Variants in MTCL1 observed in about 807,000 individuals in gnomAD.
MTCL1 encodes microtubule cross-linking factor 1.
A neutral mutation model predicts 141.4 loss-of-function variants in MTCL1; 79 were observed. The ratio of observed to expected loss-of-function variants is 0.56; its 90% confidence interval spans 0.47 to 0.67. The LOEUF is 0.67. Ranked by LOEUF, MTCL1 falls within the 30% of genes least tolerant of loss-of-function variation. MTCL1 has a pLI of 0.00. For synonymous variants in MTCL1, 914 were observed against 875.8 expected (o/e 1.04, Z -0.77); for missense variants, 2,177 against 2,113.9 (o/e 1.03, Z -0.59).
intron 13 of MTCL1, among the ~76,000 whole-genome samples, chr18:8,819,776 T>C (rs2076781593): frequency 6.6e-6 from 1 of 152,036 alleles, no homozygotes; most frequent in Non-Finnish European, 1.5e-5. Context: ...CTAATTTATT[T>C]TGTTTTATTT....
At chr18:8,784,260 G>T in exon 6 of MTCL1, 1 of 1,603,160 alleles carries the variant, frequency 6.2e-7, no homozygotes, top group South Asian at 1.1e-5. Context: ...CCCAGTCCCC[G>T]GGACAGCGAT....
intron 11 of MTCL1, among the ~76,000 whole-genome samples, chr18:8,811,532 C>T (rs633210): frequency 0.34 from 48,220 of 140,912 alleles, 8,034 homozygotes; most frequent in East Asian, 0.59. Flanking sequence ...TATATATATA[C>T]ATATATATAT....
At chr18:8,742,284 GCTCTCCCTCTCTCCCT>G (rs372103839) in intron 4 of MTCL1, among the ~76,000 whole-genome samples, 2 of 152,090 alleles carry the variant, frequency 1.3e-5, no homozygotes, top group African/African-American at 2.4e-5. Context: ...TCCCTCTCCT[GCTCTCCCTCTCTCCCT>G]CTCTCCCTCT....
intron 15 of MTCL1, 51 bp downstream of exon 14, chr18:8,826,283 G>A: frequency 6.9e-7 from 1 of 1,447,924 alleles, no homozygotes; most frequent in Non-Finnish European, 9.2e-7. Context: ...CTTCCCTTTA[G>A]CTGTGGGGCA....
intron 4 of MTCL1, among the ~76,000 whole-genome samples, chr18:8,735,496 A>G (rs1368180543): frequency 6.6e-6 from 1 of 152,128 alleles, no homozygotes; most frequent in Non-Finnish European, 1.5e-5. Flanking sequence ...TTTTCAAGCC[A>G]TCCCCTTCAA....
At chr18:8,788,207 A>G (rs1438319274) in intron 7 of MTCL1, among the ~76,000 whole-genome samples, 1 of 152,146 alleles carries the variant, frequency 6.6e-6, no homozygotes, top group Admixed American at 6.5e-5. Context: ...ATGCAGACTG[A>G]GGCAGGGCTG....
At chr18:8,729,506 G>A (rs561492536) in intron 4 of MTCL1, among the ~76,000 whole-genome samples, 39 of 151,606 alleles carry the variant, frequency 2.6e-4, no homozygotes, top group Non-Finnish European at 5.0e-4. Flanking sequence ...GGGGCTCAAG[G>A]GATCCTCTGC....
At chr18:8,783,505 C>T (rs1281043409) in intron 5 of MTCL1, 25 bp from the exon 5 acceptor site, 1 of 1,560,132 alleles carries the variant, frequency 6.4e-7, no homozygotes, top group Admixed American at 1.8e-5. Flanking sequence ...AATAACCCTT[C>T]TCCCGGGCTG....
At chr18:8,708,037 A>G (rs1381746816) in intron 1 of MTCL1, among the ~76,000 whole-genome samples, 1 of 152,250 alleles carries the variant, frequency 6.6e-6, no homozygotes, top group African/African-American at 2.4e-5. Context: ...TGTTTTTGTC[A>G]CTTACTCTTA....
At chr18:8,786,509 A>G (rs693927) in intron 7 of MTCL1, 351,187 of 372,654 alleles carry the variant, frequency 0.94, 165,700 homozygotes, top group East Asian at 1. Flanking sequence ...CCTGTGTCTC[A>G]TGTGACCATC....
chr18:8,825,551 C>T (rs939973448), exon 15 of MTCL1: 2 of 1,612,560 alleles, frequency 1.2e-6, no homozygotes, highest in South Asian at 1.1e-5. Context: ...ACAAGTGTCT[C>T]ACTCCAAAGG....
chr18:8,738,121 G>T (rs1332472528), intron 4 of MTCL1, among the ~76,000 whole-genome samples: 3 of 152,170 alleles, frequency 2.0e-5, no homozygotes, highest in East Asian at 1.9e-4. Context: ...TCTCCTTTCT[G>T]TTGGGTAGCT....
At chr18:8,784,167 T>A in exon 6 of MTCL1, 1 of 1,613,680 alleles carries the variant, frequency 6.2e-7, no homozygotes, top group Non-Finnish European at 8.5e-7. Context: ...AGCGGCAAGG[T>A]GCTCAAACTG....
At chr18:8,724,407 A>G (rs936621923) in intron 4 of MTCL1, among the ~76,000 whole-genome samples, 4 of 152,140 alleles carry the variant, frequency 2.6e-5, no homozygotes, top group Non-Finnish European at 4.4e-5. Flanking sequence ...GCAAAACTCC[A>G]TCTTAAAAAA....
At chr18:8,814,820 AT>A (rs1238820570) in intron 12 of MTCL1, among the ~76,000 whole-genome samples, 2 of 152,130 alleles carry the variant, frequency 1.3e-5, no homozygotes, top group Non-Finnish European at 2.9e-5. Context: ...CACAGGCTTC[AT>A]TTCTTTGGGA....
chr18:8,798,112 A>G (rs367822275), exon 10 of MTCL1: 1 of 1,589,548 alleles, frequency 6.3e-7, no homozygotes, highest in Admixed American at 1.8e-5. Context: ...ACATCCAGAG[A>G]CCCTCTCCAG....
chr18:8,809,958 A>C, intron 11 of MTCL1: 1 of 166,458 alleles, frequency 6.0e-6, no homozygotes. Context: ...GAACCAAAAT[A>C]TTCATTTTGC....
rs536530519 is a variant in MTCL1 at position 8,764,348 on chromosome 18, G to A, written c.358-13485G>A. Among the ~76,000 whole-genome samples the A allele has an allele frequency of 8.4e-4, 125 of 149,584 alleles. 1 individual carries two copies. The highest frequency in any genetic ancestry group is 3.0e-3 in the African/African-American group (120 of 40,594). ...TTTTTTTTTTTTGAGACAGAGTTTC[G>A]TTCTTGTTGCCCAGGCTGAAGTGCG... On this transcript the variant is annotated intron_variant, in intron 4 of 16. Transcript: ENST00000359865.
At chr18:8,764,402 C>T (rs1378683844) in intron 4 of MTCL1, among the ~76,000 whole-genome samples, 2 of 151,904 alleles carry the variant, frequency 1.3e-5, no homozygotes, top group Admixed American at 6.6e-5. Context: ...ACTGCAACCT[C>T]TGCCTCCCGG....
Sources: allele counts gnomAD v4.1 joint callset (sites outside exome capture counted in the v4.1 genomes callset), GRCh38; gene constraint gnomAD v4.1.1; transcripts MANE v1.5; gene names NCBI Gene and HGNC (gene_info 2026-07-23, HGNC 2026-07-21).